The following ATP8A1 variants were observed in gnomAD, a reference collection of about 807,000 sequenced individuals.
ATP8A1 encodes the protein ATPase phospholipid transporting 8A1, also known as phospholipid-transporting ATPase IA.
Under a neutral mutation model 177.7 loss-of-function variants are expected in ATP8A1, and 90 were observed. The observed-to-expected ratio is 0.51, with a 90% CI of 0.43 to 0.60. The LOEUF (loss-of-function observed/expected upper bound fraction) is 0.60. Ranked by LOEUF, ATP8A1 falls within the 20% of genes least tolerant of loss-of-function variation. The probability of loss-of-function intolerance (pLI) is 0.00; values close to 1 mark genes in which losing one functional copy is unlikely to be tolerated. For missense variants in ATP8A1, 1,072 were observed against 1,392.8 expected (o/e 0.77, Z 3.67); for synonymous variants, 493 against 485.9 (o/e 1.01, Z -0.19).
chr4:42,460,049 C>A (rs189836784), intron 27 of ATP8A1, among the ~76,000 whole-genome samples: 1 of 152,282 alleles, frequency 6.6e-6, no homozygotes, highest in African/African-American at 2.4e-5. Context: ...CCTCGGCCTC[C>A]CAAAGTGCTA....
At chr4:42,538,116 T>C (rs1728027041) in intron 20 of ATP8A1, among the ~76,000 whole-genome samples, 1 of 152,076 alleles carries the variant, frequency 6.6e-6, no homozygotes. Context: ...TAAAGTCAAA[T>C]ACTTATGGCC....
chr4:42,438,434 T>A (rs528147882), intron 33 of ATP8A1, among the ~76,000 whole-genome samples: 49 of 152,310 alleles, frequency 3.2e-4, no homozygotes, highest in Admixed American at 2.0e-4. Flanking sequence ...ATAGTTTTTT[T>A]AAATTTTTTT....
At chr4:42,532,098 C>T (rs1172273342) in intron 20 of ATP8A1, among the ~76,000 whole-genome samples, 1 of 151,836 alleles carries the variant, frequency 6.6e-6, no homozygotes, top group African/African-American at 2.4e-5. Flanking sequence ...TGAGACCCTG[C>T]CTCAAAAAAA....
rs11306052 is a variant in ATP8A1, at chr4:42,624,642, G to GA, written c.265-9dup. The stretch of plus-strand genomic sequence containing the variant: ...TGACACATCAGGTATTTGCTGTTTG[G>GA]AAAAAAAAAAAAAAGAGAAATCCAA... On this transcript the variant is annotated splice_polypyrimidine_tract_variant and intron_variant, in intron 3 of 36. Transcript: ENST00000381668. 7.8e-3 allele frequency: 7,515 copies of GA among 963,048 alleles called. No homozygotes were observed. Among genetic ancestry groups the GA allele is most frequent in the East Asian group, 0.012 (385 of 31,340 alleles). The allele number at this position is 963,048 out of a possible 1,614,324, so 59.7% of individuals were successfully genotyped here. A position where few individuals can be genotyped will look rare whatever the true frequency, so the allele number is the denominator to read the frequency against.
At chr4:42,559,793 C>G (rs1360151041) in intron 15 of ATP8A1, among the ~76,000 whole-genome samples, 1 of 152,184 alleles carries the variant, frequency 6.6e-6, no homozygotes, top group Non-Finnish European at 1.5e-5. Flanking sequence ...GCAACCTCCA[C>G]CTCCTGGGTT....
chr4:42,433,869 C>T (rs1036117557), intron 33 of ATP8A1, among the ~76,000 whole-genome samples: 4 of 132,454 alleles, frequency 3.0e-5, no homozygotes, highest in East Asian at 4.1e-4. Context: ...AAAAAAAAAA[C>T]GATTAAAAAA....
chr4:42,484,843 G>A (rs1036975897), intron 25 of ATP8A1, among the ~76,000 whole-genome samples: 1 of 152,150 alleles, frequency 6.6e-6, no homozygotes, highest in African/African-American at 2.4e-5. Context: ...CACAAAAGAG[G>A]AGACTGGGCA....
intron 20 of ATP8A1, among the ~76,000 whole-genome samples, chr4:42,527,435 C>T (rs954254370): frequency 5.3e-5 from 8 of 152,142 alleles, no homozygotes; most frequent in African/African-American, 1.9e-4. Flanking sequence ...AACAGCTTCC[C>T]CATCCCCAGT....
At chr4:42,468,176 T>C (rs1279900321) in intron 25 of ATP8A1, among the ~76,000 whole-genome samples, 1 of 152,172 alleles carries the variant, frequency 6.6e-6, no homozygotes, top group African/African-American at 2.4e-5. Flanking sequence ...TGGAGATTCC[T>C]TAAAGAACTA....
Position 42,474,024 on chromosome 4 carries a change from A to T in ATP8A1, c.2325-8948T>A, listed in dbSNP as rs191144093. ...CTCATGACCTTCCTATGTTGTGTGG[A>T]TAAGTTTCTCCAAGGAACCTTCTCT... is the stretch of plus-strand genomic sequence containing the variant. On this transcript the variant is annotated intron_variant, in intron 25 of 36. Transcript: ENST00000381668. Among the ~76,000 whole-genome samples, 95 of 152,264 alleles carry T rather than the reference A, an allele frequency of 6.2e-4. 1 individual carries two copies. Among genetic ancestry groups the T allele is most frequent in the African/African-American group, 2.3e-3 (94 of 41,554 alleles).
chr4:42,508,144 T>A (rs1348373600), intron 22 of ATP8A1, among the ~76,000 whole-genome samples: 1 of 152,152 alleles, frequency 6.6e-6, no homozygotes, highest in Non-Finnish European at 1.5e-5. Context: ...TATTATTTAT[T>A]TATTTTGAGA....
At chr4:42,499,713 T>G (rs187015190) in intron 24 of ATP8A1, among the ~76,000 whole-genome samples, 1 of 152,328 alleles carries the variant, frequency 6.6e-6, no homozygotes, top group African/African-American at 2.4e-5. Flanking sequence ...TCCAGAGATT[T>G]GGAGTTGATG....
chr4:42,641,972 GA>G (rs1740036611), intron 1 of ATP8A1, among the ~76,000 whole-genome samples: 1 of 151,284 alleles, frequency 6.6e-6, no homozygotes, highest in South Asian at 2.1e-4. Context: ...TGCAAGAGAG[GA>G]AAACAACTCA....
chr4:42,548,880 T>A, intron 19 of ATP8A1, 133 bp downstream of exon 19: 2 of 691,260 alleles, frequency 2.9e-6, no homozygotes, highest in Non-Finnish European at 4.7e-6. Context: ...ACTAAAGATT[T>A]TGATTTAATA....
At chr4:42,520,025 A>C (rs184846085) in intron 22 of ATP8A1, among the ~76,000 whole-genome samples, 50 of 152,230 alleles carry the variant, frequency 3.3e-4, no homozygotes, top group Non-Finnish European at 4.9e-4. Flanking sequence ...TGCTGGGAAA[A>C]CGTTGAACAT....
At chr4:42,635,937 A>ACAGATT (rs1739292657) in intron 1 of ATP8A1, among the ~76,000 whole-genome samples, 1 of 151,532 alleles carries the variant, frequency 6.6e-6, no homozygotes, top group Admixed American at 6.6e-5. Flanking sequence ...TCAAGATACC[A>ACAGATT]CAGATTCAGT....
chr4:42,644,553 G>A (rs900226064), intron 1 of ATP8A1, among the ~76,000 whole-genome samples: 3 of 151,988 alleles, frequency 2.0e-5, no homozygotes, highest in Admixed American at 2.0e-4. Context: ...GGATAGATGA[G>A]AACTATAAAA....
At chr4:42,604,019 T>C (rs146564941) in intron 5 of ATP8A1, among the ~76,000 whole-genome samples, 3 of 152,294 alleles carry the variant, frequency 2.0e-5, no homozygotes, top group South Asian at 2.1e-4. Context: ...CTCTTTCCTG[T>C]CATCACTTCT....
intron 5 of ATP8A1, among the ~76,000 whole-genome samples, chr4:42,600,784 T>C (rs1735168306): frequency 6.6e-6 from 1 of 152,128 alleles, no homozygotes; most frequent in Non-Finnish European, 1.5e-5. Flanking sequence ...ATAGAGGAAC[T>C]ATGGGGCTCA....
Sources: gnomAD v4.1 joint callset for allele counts (sites outside exome capture counted in the v4.1 genomes callset) on GRCh38, gnomAD v4.1.1 for gene constraint, MANE v1.5 for transcripts, NCBI Gene and HGNC (gene_info 2026-07-23, HGNC 2026-07-21) for gene names.